CSMD2: variants seen among roughly 807,000 people sequenced by gnomAD.
CSMD2 encodes CUB and Sushi multiple domains 2, also known as CUB and sushi domain-containing protein 2.
CSMD2 carries 130 observed loss-of-function variants against 398.5 expected under a neutral mutation model. The observed-to-expected ratio is 0.33, with a 90% CI of 0.28 to 0.38. The LOEUF (loss-of-function observed/expected upper bound fraction) is 0.38, where lower values mean the gene tolerates loss of function less well. Ranked by LOEUF, CSMD2 falls within the 10% of genes least tolerant of loss-of-function variation. The pLI, the probability that CSMD2 is intolerant of heterozygous loss-of-function variation, is 1.00. For synonymous variants in CSMD2, 1,828 were observed against 1,908.5 expected, an observed-to-expected ratio of 0.96 and a Z score of 1.10; for missense variants, 3,829 against 4,764.9, an observed-to-expected ratio of 0.80 and a Z score of 5.78.
chr1:33,663,089 T>C lies in CSMD2; in HGVS notation c.4056A>G (p.Leu1352=), dbSNP rs749896817. Residue 1352 remains leucine (L), a synonymous_variant, in exon 26 of 71, where the codon CTA becomes CTG. Coordinates refer to ENST00000373381, the MANE Select transcript of CSMD2 (RefSeq NM_001281956.2). ...CCTCTGTGTCAAACACCAGGAAGTG[T>C]AGCCTGCACGGAGAGAAGAGGCAGT... ...IEAEAGCTIG[L]HFLVFDTEEV... 1.9e-6 allele frequency: 3 copies of C among 1,613,604 alleles called. No homozygotes were observed. The highest frequency in any genetic ancestry group is 1.3e-5 in the African/African-American group (1 of 74,886).
chr1:33,923,157 G>A (rs1408814553), intron 4 of CSMD2, among the ~76,000 whole-genome samples: 2 of 152,066 alleles, frequency 1.3e-5, no homozygotes, highest in African/African-American at 4.8e-5. Flanking sequence ...ATGCATAGTA[G>A]GTGATATAGT....
chr1:34,046,589 T>C (rs538110375), intron 2 of CSMD2, among the ~76,000 whole-genome samples: 31 of 152,340 alleles, frequency 2.0e-4, no homozygotes, highest in African/African-American at 7.2e-4. Context: ...GTTCAGTACA[T>C]GCATGAATAG....
chr1:33,797,415 C>T (rs1357566053), intron 10 of CSMD2, among the ~76,000 whole-genome samples: 1 of 152,218 alleles, frequency 6.6e-6, no homozygotes, highest in Non-Finnish European at 1.5e-5. Context: ...TCCCCCAATA[C>T]AGCACAATAG....
At chr1:34,040,669 G>C (rs1406732239) in intron 2 of CSMD2, among the ~76,000 whole-genome samples, 1 of 152,158 alleles carries the variant, frequency 6.6e-6, no homozygotes, top group Admixed American at 6.5e-5. Flanking sequence ...AGGAGGGAGA[G>C]ACATCCAGAC....
chr1:33,866,782 C>T (rs1640070801), intron 5 of CSMD2, among the ~76,000 whole-genome samples: 1 of 152,260 alleles, frequency 6.6e-6, no homozygotes, highest in African/African-American at 2.4e-5. Context: ...TCACTTGATG[C>T]CATGATATGG....
At chr1:34,065,622 T>C (rs373940323) in intron 2 of CSMD2, among the ~76,000 whole-genome samples, 25 of 152,228 alleles carry the variant, frequency 1.6e-4, no homozygotes, top group African/African-American at 6.0e-4. Context: ...TAAACCTCAA[T>C]TTTCTTATCT....
Position 33,626,533 on chromosome 1 carries a change from C to A in CSMD2, c.5249G>T (p.Ser1750Ile). The A allele has an allele frequency of 6.2e-7, 1 of 1,609,194 alleles. No homozygotes were observed. The highest frequency in any genetic ancestry group is 1.1e-5 in the South Asian group (1 of 89,382). ...ATSNQVLIKF[S>I]AKGLAPARGF... Reference sequence around the variant, plus strand: ...TCTGGCTGGTGCGAGGCCTTTGGCGCTGAACTTAATGAGAACTTGATTGGA... The same window carrying A: ...TCTGGCTGGTGCGAGGCCTTTGGCGATGAACTTAATGAGAACTTGATTGGA... Residue 1750 changes from serine (S) to isoleucine (I), a missense_variant, in exon 33 of 71, where the codon AGC becomes ATC. Ser to Ile is a moderately radical substitution (Grantham distance 142). Transcript: ENST00000373381.
In CSMD2 at chr1:33,569,424, C is replaced by A. The variant is rs375940945; in HGVS notation, c.8081G>T (p.Arg2694Leu). ...SGYTLVGSRV[R>L]ECMANGLWSG... Reference sequence around the variant, plus strand: ...CCAGAGCCCATTGGCCATGCACTCACGCACCCTGGAGCCCACCAGTGTGTA... The same window carrying A: ...CCAGAGCCCATTGGCCATGCACTCAAGCACCCTGGAGCCCACCAGTGTGTA... The change falls in exon 52 of 71, where the codon CGT becomes CTT. Residue 2694 changes from arginine (R) to leucine (L), a missense_variant. By Grantham distance (102) the Arg-to-Leu change is moderately radical. Around this residue, in one of 5 missense-constraint regions of CSMD2, gnomAD observed 723 missense variants for 758.6 expected, o/e 0.95. Coordinates refer to ENST00000373381, the MANE Select transcript of CSMD2 (RefSeq NM_001281956.2). The A allele has an allele frequency of 6.2e-7, 1 of 1,614,154 alleles. No homozygotes were observed. Among genetic ancestry groups the A allele is most frequent in the South Asian group, 1.1e-5 (1 of 91,046 alleles).
intron 28 of CSMD2, among the ~76,000 whole-genome samples, chr1:33,650,208 T>C (rs540472154): frequency 6.6e-6 from 1 of 152,162 alleles, no homozygotes; most frequent in Non-Finnish European, 1.5e-5. Context: ...GCCAAGGACA[T>C]GGGGACATGT....
Position 33,681,299 on chromosome 1 carries a change from G to A in CSMD2, c.4052+11631C>T, listed in dbSNP as rs1644902649. 3.9e-5 allele frequency among the ~76,000 whole-genome samples: 6 copies of A among 152,110 alleles called. No homozygotes were observed. The South Asian group carries it at 1.2e-3, about 32-fold the overall frequency. On this transcript the variant is annotated intron_variant, in intron 25 of 70. Coordinates refer to ENST00000373381, the MANE Select transcript of CSMD2 (RefSeq NM_001281956.2). ...CCTTAGTTTGTAAGTTTTCTTTAGT[G>A]ATTTGCAAAGTACACATTTTATTTT...
chr1:34,156,278 G>A (rs191484793), intron 1 of CSMD2, among the ~76,000 whole-genome samples: 31 of 152,332 alleles, frequency 2.0e-4, no homozygotes, highest in Admixed American at 4.6e-4. Flanking sequence ...AGCAATGAAG[G>A]TTGGTAGGTA....
At chr1:33,719,110 G>A (rs1414135625) in intron 19 of CSMD2, among the ~76,000 whole-genome samples, 1 of 152,204 alleles carries the variant, frequency 6.6e-6, no homozygotes, top group Non-Finnish European at 1.5e-5. Flanking sequence ...TGGTTGGGAA[G>A]GCTTCACGGG....
At chr1:33,580,682 G>T in intron 48 of CSMD2, 71 bp downstream of exon 48, 1 of 1,555,786 alleles carries the variant, frequency 6.4e-7, no homozygotes, top group South Asian at 1.2e-5. Flanking sequence ...ATGGCCGCCC[G>T]GTCTCCACAG....
chr1:33,973,881 C>T (rs571027297), intron 3 of CSMD2, among the ~76,000 whole-genome samples: 2 of 152,282 alleles, frequency 1.3e-5, no homozygotes, highest in South Asian at 4.1e-4. Flanking sequence ...CGTCAACACA[C>T]TGAGAGGGGT....
At chr1:33,802,713 G>A (rs550953582) in intron 10 of CSMD2, among the ~76,000 whole-genome samples, 1 of 152,246 alleles carries the variant, frequency 6.6e-6, no homozygotes, top group Admixed American at 6.5e-5. Context: ...TCTAACAACA[G>A]CATCTTTCTC....
intron 22 of CSMD2, among the ~76,000 whole-genome samples, chr1:33,707,476 TAA>T (rs1249152194): frequency 6.6e-6 from 1 of 152,200 alleles, no homozygotes; most frequent in African/African-American, 2.4e-5. Flanking sequence ...TGGAAGGGCA[TAA>T]AACCCTTGTC....
At chr1:33,990,803 T>A (rs1277673851) in intron 3 of CSMD2, among the ~76,000 whole-genome samples, 3 of 152,152 alleles carry the variant, frequency 2.0e-5, no homozygotes, top group African/African-American at 7.2e-5. Context: ...CCCAGTTACC[T>A]CCTACCCTTT....
intron 2 of CSMD2, among the ~76,000 whole-genome samples, chr1:34,058,741 G>A (rs1054248928): frequency 2.0e-5 from 3 of 152,160 alleles, no homozygotes; most frequent in South Asian, 2.1e-4. Context: ...AGCACTGTTC[G>A]CCCTACTTTA....
chr1:33,544,177 G>T (rs1334813801), intron 57 of CSMD2, among the ~76,000 whole-genome samples: 2 of 148,008 alleles, frequency 1.4e-5, no homozygotes, highest in East Asian at 4.0e-4. Flanking sequence ...CGCTATCTTG[G>T]CTCACTGCAA....
Sources: gnomAD v4.1 joint callset for allele counts (sites outside exome capture counted in the v4.1 genomes callset) on GRCh38, gnomAD v4.1.1 for gene constraint, gnomAD v4.1.1 regional missense constraint, MANE v1.5 for transcripts, NCBI Gene and HGNC (gene_info 2026-07-23, HGNC 2026-07-21) for gene names.